The following SNX13 variants were observed in gnomAD, a reference collection of about 807,000 sequenced individuals.
The protein encoded by SNX13 is sorting nexin 13, also known as sorting nexin-13.
SNX13 carries 45 observed loss-of-function variants against 133.6 expected under a neutral mutation model. The ratio of observed to expected loss-of-function variants is 0.34; its 90% CI spans 0.27 to 0.43. The LOEUF is 0.43. Among genes scored for constraint, SNX13 ranks in the 20% least tolerant of loss-of-function variants. The pLI is 1.00. For missense variants in SNX13, 1,032 were observed against 1,145.1 expected (o/e 0.90, Z 1.43); for synonymous variants, 414 against 373.9 (o/e 1.11, Z -1.24).
intron 22 of SNX13, 93 bp downstream of exon 22, chr7:17,801,495 C>T (rs899839721): frequency 1.5e-5 from 13 of 879,456 alleles, no homozygotes; most frequent in Middle Eastern, 4.6e-4. Context: ...AATATGTGCA[C>T]ATTAATGATA....
At position 17,792,616 on chromosome 7, in the gene SNX13, C is replaced by G. The variant is rs1783657783; in HGVS notation, c.*1429G>C. On this transcript the variant is annotated 3_prime_UTR_variant, in exon 26 of 26. Coordinates refer to ENST00000428135, the MANE Select transcript of SNX13 (RefSeq NM_015132.5). ...CCTTTATCTTAAGCACCCAGACTTT[C>G]TTTTAATACCAGGATCTTGGCTCAG... is the stretch of plus-strand genomic sequence containing the variant. 6.6e-6 allele frequency: 1 copy of G among 152,318 alleles called. No homozygotes were observed. Among genetic ancestry groups the G allele is most frequent in the African/African-American group, 2.4e-5 (1 of 41,404 alleles). 9.4% of individuals were successfully genotyped at this position (152,318 alleles called of 1,614,324 possible).
chr7:17,891,589 C>T lies in SNX13; in HGVS notation c.275G>A (p.Arg92Lys). The T allele has an allele frequency of 1.9e-6, 3 of 1,612,656 alleles. No individual in the cohort carries two copies. The highest frequency in any genetic ancestry group is 2.5e-6 in the Non-Finnish European group (3 of 1,179,088). ...AATTATATTGGCACCCGTCAATCTT[C>T]TATCAATCTTAATAGTCCTGGCTTC... Reference protein sequence around the residue: ...KREARTIKIDRRLTGANIIDE... With the variant: ...KREARTIKIDKRLTGANIIDE... Residue 92 changes from arginine (R) to lysine (K), a missense_variant, in exon 4 of 26, where the codon AGA becomes AAA. By Grantham distance (26) the Arg-to-Lys change is conservative (BLOSUM62 2). Coordinates refer to ENST00000428135, the MANE Select transcript of SNX13 (RefSeq NM_015132.5).
At chr7:17,807,399 G>A (rs1253666510) in intron 20 of SNX13, among the ~76,000 whole-genome samples, 3 of 152,172 alleles carry the variant, frequency 2.0e-5, no homozygotes, top group Non-Finnish European at 4.4e-5. Context: ...ACTCAGCAAA[G>A]CCACTGTAGC....
At chr7:17,803,294 A>G (rs950129144) in intron 21 of SNX13, 125 bp downstream of exon 21, 17 of 816,056 alleles carry the variant, frequency 2.1e-5, no homozygotes, top group African/African-American at 1.2e-4. Flanking sequence ...TTATGAGACT[A>G]TGTGTCTAGC....
intron 17 of SNX13, among the ~76,000 whole-genome samples, chr7:17,825,489 T>C (rs897355759): frequency 2.6e-5 from 4 of 152,188 alleles, no homozygotes; most frequent in African/African-American, 4.8e-5. Context: ...AATAACTCAA[T>C]AGCAATGATG....
intron 1 of SNX13, among the ~76,000 whole-genome samples, chr7:17,903,512 TTG>T (rs1798068083): frequency 6.6e-6 from 1 of 152,216 alleles, no homozygotes; most frequent in Non-Finnish European, 1.5e-5. Context: ...TTACCATTAG[TTG>T]TGTAACCACT....
rs77577573 is a variant in SNX13, at chr7:17,823,377, T to C, written c.1706-1729A>G. 8.5e-4 allele frequency among the ~76,000 whole-genome samples: 129 copies of C among 152,298 alleles called. No homozygotes were observed. In the East Asian group the frequency reaches 0.019, roughly 22 times the overall value. ...ATAAGTGTGAATAAACGTGGTCAAG[T>C]TCTGGGGCTAACATTTTGCTATTTC... On this transcript the variant is annotated intron_variant, in intron 17 of 25. Coordinates refer to ENST00000428135, the MANE Select transcript of SNX13 (RefSeq NM_015132.5).
At chr7:17,819,402 A>G (rs1787032033) in intron 18 of SNX13, among the ~76,000 whole-genome samples, 1 of 151,734 alleles carries the variant, frequency 6.6e-6, no homozygotes, top group Non-Finnish European at 1.5e-5. Flanking sequence ...AATTTTTTGT[A>G]TTTTTGTAGA....
intron 1 of SNX13, among the ~76,000 whole-genome samples, chr7:17,919,231 CT>C (rs1232594388): frequency 6.6e-6 from 1 of 152,136 alleles, no homozygotes; most frequent in Non-Finnish European, 1.5e-5. Context: ...CATTTATCCC[CT>C]GAACTTAAAA....
chr7:17,888,426 A>T, intron 5 of SNX13: 1 of 232,986 alleles, frequency 4.3e-6, no homozygotes. Context: ...GTATTGCAAT[A>T]ACAGGAAAGA....
At chr7:17,901,294 G>T (rs1051043956) in intron 1 of SNX13, among the ~76,000 whole-genome samples, 1 of 152,150 alleles carries the variant, frequency 6.6e-6, no homozygotes, top group Non-Finnish European at 1.5e-5. Flanking sequence ...GGGAGGAAGG[G>T]TGGTGCAAGT....
intron 1 of SNX13, among the ~76,000 whole-genome samples, chr7:17,924,496 A>G (rs1243510061): frequency 2.0e-5 from 3 of 152,146 alleles, no homozygotes; most frequent in African/African-American, 7.2e-5. Context: ...AGAAAACAAA[A>G]CCTTCCTACA....
intron 20 of SNX13, among the ~76,000 whole-genome samples, chr7:17,811,610 C>CT (rs1336395279): frequency 1.3e-5 from 2 of 152,288 alleles, no homozygotes; most frequent in Non-Finnish European, 1.5e-5. Flanking sequence ...CCCCATCAAG[C>CT]TACCATTGAC....
chr7:17,870,870 C>G (rs888090703), intron 8 of SNX13, among the ~76,000 whole-genome samples: 2 of 152,010 alleles, frequency 1.3e-5, no homozygotes, highest in African/African-American at 2.4e-5. Context: ...TGGATACTAT[C>G]CATAATAACA....
chr7:17,932,812 C>T (rs1396985262), intron 1 of SNX13, among the ~76,000 whole-genome samples: 1 of 152,222 alleles, frequency 6.6e-6, no homozygotes. Context: ...TCACAGTTAT[C>T]TTTTAATTAT....
At chr7:17,863,976 A>G (rs993896673) in intron 9 of SNX13, among the ~76,000 whole-genome samples, 11 of 152,242 alleles carry the variant, frequency 7.2e-5, no homozygotes, top group African/African-American at 2.4e-5. Context: ...TAGGGATCCC[A>G]CTAGTGCTGA....
intron 1 of SNX13, among the ~76,000 whole-genome samples, chr7:17,937,863 C>T (rs1270022369): frequency 6.6e-6 from 1 of 152,146 alleles, no homozygotes; most frequent in Non-Finnish European, 1.5e-5. Flanking sequence ...TGTAAAGAAT[C>T]CAGGCACATA....
intron 12 of SNX13, 87 bp downstream of exon 12, chr7:17,845,508 G>T: frequency 1.3e-6 from 1 of 778,754 alleles, no homozygotes; most frequent in South Asian, 1.9e-5. Flanking sequence ...AAATAGTTGA[G>T]ATACTAAATT....
rs1786642808 is a variant in SNX13 at position 17,816,226 on chromosome 7, C to T, written c.1909G>A (p.Asp637Asn). Residue 637 changes from aspartate to asparagine, a missense_variant, in exon 19 of 26, where the codon GAT becomes AAT. Physicochemically the swap from Asp to Asn is conservative, Grantham distance 23 (BLOSUM62 1). Coordinates refer to ENST00000428135, the MANE Select transcript of SNX13 (RefSeq NM_015132.5). ...GKKTFNNMDR[D>N]FLEKRKKDLN... Reference sequence around the variant, plus strand: ...TCCTTTTTTCTCTTTTCTAAAAAATCTCTATCCATATTATTAAAAGTCTTT... The same window carrying T: ...TCCTTTTTTCTCTTTTCTAAAAAATTTCTATCCATATTATTAAAAGTCTTT... 22 of 1,542,280 alleles carry T rather than the reference C, an allele frequency of 1.4e-5. No homozygotes were observed. The highest frequency in any genetic ancestry group is 1.9e-5 in the Non-Finnish European group (22 of 1,141,986).
Sources: allele counts gnomAD v4.1 joint callset (sites outside exome capture counted in the v4.1 genomes callset), GRCh38; gene constraint gnomAD v4.1.1; transcripts MANE v1.5; gene names NCBI Gene and HGNC (gene_info 2026-07-23, HGNC 2026-07-21).